DNAJC10: variants seen among roughly 807,000 people sequenced by gnomAD.
The protein encoded by DNAJC10 is endoplasmic reticulum disulfide reductase DNAJC10.
A neutral mutation model predicts 115.0 loss-of-function variants in DNAJC10; 101 were observed. The ratio of observed to expected loss-of-function variants is 0.88; its 90% CI spans 0.75 to 1.04. The LOEUF (loss-of-function observed/expected upper bound fraction) is 1.04, where lower values mean the gene tolerates loss of function less well. Ranked by LOEUF, DNAJC10 falls within the 50% of genes least tolerant of loss-of-function variation. The pLI, the probability that DNAJC10 is intolerant of heterozygous loss-of-function variation, is 0.00. For missense variants in DNAJC10, 981 were observed against 928.8 expected, an observed-to-expected ratio of 1.06 and a Z score of -0.73; for synonymous variants, 307 against 301.5, an observed-to-expected ratio of 1.02 and a Z score of -0.19.
At chr2:182,760,344 A>G (rs758285723) in intron 21 of DNAJC10, among the ~76,000 whole-genome samples, 1 of 152,170 alleles carries the variant, frequency 6.6e-6, no homozygotes, top group East Asian at 1.9e-4. Flanking sequence ...TTTATTTATT[A>G]TTACTTGAAA....
rs553478782 is a variant in DNAJC10, at chr2:182,744,916, A to AC, written c.1306+1211dup. Among the ~76,000 whole-genome samples the AC allele has an allele frequency of 1.9e-3, 283 of 150,646 alleles. 2 individuals are homozygous for AC. Among genetic ancestry groups the AC allele is most frequent in the African/African-American group, 6.4e-3 (262 of 40,968 alleles). ...TTTTTATCTCTGAAATAGTTCTCAG[A>AC]CCCCCCCTCTTCTCTTCTCTGTGCT... On this transcript the variant is annotated intron_variant, in intron 14 of 23. Transcript: ENST00000264065.
chr2:182,752,539 T>G lies in DNAJC10; in HGVS notation c.1551+351T>G, dbSNP rs535162262. On this transcript the variant is annotated intron_variant, in intron 16 of 23. Coordinates refer to ENST00000264065, the MANE Select transcript of DNAJC10 (RefSeq NM_018981.4). Reference sequence around the variant, plus strand: ...AATTTTTTTCCTTTGGCTTTCTTCATACTTCTAAGTATATTTGCTGGAAAG... The same window carrying G: ...AATTTTTTTCCTTTGGCTTTCTTCAGACTTCTAAGTATATTTGCTGGAAAG... 3 of 877,372 alleles carry G rather than the reference T, an allele frequency of 3.4e-6. No individual in the cohort carries two copies. The East Asian group carries it at 3.6e-4, about 104-fold the overall frequency. 54.3% of individuals were successfully genotyped at this position (877,372 alleles called of 1,614,324 possible).
At chr2:182,728,454 AAAGAC>A (rs759961856) in intron 5 of DNAJC10, 117 bp from the exon 6 acceptor site, 244 of 601,598 alleles carry the variant, frequency 4.1e-4, no homozygotes, top group Non-Finnish European at 6.1e-4. Context: ...AGAAAATGAG[AAAGAC>A]AATATGAAAA....
At chr2:182,768,316 ATCT>A (rs917075598) in intron 22 of DNAJC10, among the ~76,000 whole-genome samples, 4 of 152,156 alleles carry the variant, frequency 2.6e-5, no homozygotes, top group Admixed American at 1.3e-4. Context: ...ATAAATAGGG[ATCT>A]TCTTCAGATA....
chr2:182,764,778 A>G, intron 22 of DNAJC10, among the ~76,000 whole-genome samples: 1 of 152,136 alleles, frequency 6.6e-6, no homozygotes, highest in East Asian at 1.9e-4. Flanking sequence ...GAACCCATTC[A>G]AAAAAAGGAA....
At chr2:182,767,275 C>T (rs1216788052) in intron 22 of DNAJC10, among the ~76,000 whole-genome samples, 1 of 152,160 alleles carries the variant, frequency 6.6e-6, no homozygotes, top group African/African-American at 2.4e-5. Context: ...AGGCAGTGAC[C>T]TACCTGCTTC....
At chr2:182,735,044 G>GGCCC (rs2105633485) in intron 10 of DNAJC10, among the ~76,000 whole-genome samples, 1 of 150,980 alleles carries the variant, frequency 6.6e-6, no homozygotes, top group Non-Finnish European at 1.5e-5. Context: ...TGATATATTT[G>GGCCC]GCCCTATGCT....
chr2:182,765,529 G>C (rs9678817), intron 22 of DNAJC10, among the ~76,000 whole-genome samples: 70,892 of 152,064 alleles, frequency 0.47, 19,033 homozygotes, highest in Middle Eastern at 0.65. Context: ...GTTACCACCA[G>C]ATACTTAAGA....
At chr2:182,754,941 T>C in intron 16 of DNAJC10, 62 bp from the exon 17 acceptor site, 3 of 1,359,672 alleles carry the variant, frequency 2.2e-6, no homozygotes, top group South Asian at 1.3e-5. Flanking sequence ...AAACTTGTTA[T>C]AAATTTGTAA....
chr2:182,792,713 G>C lies in DNAJC10; in HGVS notation c.*15581G>C, dbSNP rs1695073820. The C allele has an allele frequency of 6.6e-6, 1 of 152,162 alleles. No homozygotes were observed. The highest frequency in any genetic ancestry group is 2.4e-5 in the African/African-American group (1 of 41,438). The allele number at this position is 152,162 out of a possible 1,614,324, so 9.4% of individuals were successfully genotyped here. On this transcript the variant is annotated 3_prime_UTR_variant, in exon 24 of 24. Transcript: ENST00000264065. ...CTAATGGAACATCGTAATCCTCCTT[G>C]TCATCTTTCCTTTGGCCTTCCTGAA...
chr2:182,785,612 T>C lies in DNAJC10; in HGVS notation c.*8480T>C, dbSNP rs1383077903. 6.6e-6 allele frequency: 1 copy of C among 152,124 alleles called. No individual in the cohort carries two copies. The highest frequency in any genetic ancestry group is 6.6e-5 in the Admixed American group (1 of 15,264). The allele number at this position is 152,124 out of a possible 1,614,324, so 9.4% of individuals were successfully genotyped here. Reference sequence around the variant, plus strand: ...GCAAGAATCGGGAATGTGGGAAATTTTGTAGGACAAATGGTATGATTTCTT... The same window carrying C: ...GCAAGAATCGGGAATGTGGGAAATTCTGTAGGACAAATGGTATGATTTCTT... On this transcript the variant is annotated 3_prime_UTR_variant, in exon 24 of 24. Transcript: ENST00000264065.
chr2:182,739,291 A>G (rs1002366076), intron 11 of DNAJC10, among the ~76,000 whole-genome samples: 46 of 148,674 alleles, frequency 3.1e-4, no homozygotes, highest in Non-Finnish European at 6.8e-4. Context: ...AATCTTAGGG[A>G]AAAAACCTGA....
intron 8 of DNAJC10, 43 bp from the exon 9 acceptor site, chr2:182,730,987 G>A (rs1389375815): frequency 2.2e-6 from 3 of 1,351,702 alleles, no homozygotes; most frequent in African/African-American, 1.4e-5. Context: ...TAGTAAAGGA[G>A]TAATAGGTGA....
At chr2:182,751,303 T>C (rs908579159) in intron 14 of DNAJC10, among the ~76,000 whole-genome samples, 10 of 151,860 alleles carry the variant, frequency 6.6e-5, no homozygotes, top group African/African-American at 2.2e-4. Context: ...CCAGCTAATT[T>C]TTTGTATTTT....
chr2:182,790,974 CCTT>C lies in DNAJC10; in HGVS notation c.*13845_*13847del, dbSNP rs1232250409. 1 of 152,014 alleles carries C rather than the reference CCTT, an allele frequency of 6.6e-6. No individual in the cohort carries two copies. The highest frequency in any genetic ancestry group is 2.4e-5 in the African/African-American group (1 of 41,386). The allele number at this position is 152,014 out of a possible 1,614,324, so 9.4% of individuals were successfully genotyped here. A position where few individuals can be genotyped will look rare whatever the true frequency, so the allele number is the denominator to read the frequency against. Reference sequence around the variant, plus strand: ...ACCCTCCTGTTCAACTGTCTATGCTCCTTCTCTCTTTGTTCACTATTTTGATAT... The same window carrying C: ...ACCCTCCTGTTCAACTGTCTATGCTCCTCTCTTTGTTCACTATTTTGATAT... On this transcript the variant is annotated 3_prime_UTR_variant, in exon 24 of 24. Coordinates refer to ENST00000264065, the MANE Select transcript of DNAJC10 (RefSeq NM_018981.4).
At chr2:182,721,916 A>T in intron 4 of DNAJC10, 109 bp from the exon 5 acceptor site, 1 of 592,296 alleles carries the variant, frequency 1.7e-6, no homozygotes. Flanking sequence ...TTTGAGATAT[A>T]ATATAGTAGT....
At position 182,718,141 on chromosome 2, in the gene DNAJC10, C is replaced by A. The variant is rs140037014; in HGVS notation, c.55C>A (p.Leu19Ile). The A allele has an allele frequency of 1.1e-3, 1,779 of 1,612,888 alleles. 24 individuals are homozygous for A. The highest frequency in any genetic ancestry group is 6.3e-4 in the East Asian group (28 of 44,760). Residue 19 changes from leucine (L) to isoleucine (I), a missense_variant, in exon 3 of 24, where the codon CTC becomes ATC. Leu to Ile is a conservative substitution (Grantham distance 5, BLOSUM62 2). Coordinates refer to ENST00000264065, the MANE Select transcript of DNAJC10 (RefSeq NM_018981.4). ...TATCAGAGACTTGAAAAGGATCATTCTCTGTTTTCTGATAGTGTATATGGC... is the reference window on the plus strand; with the variant it reads ...TATCAGAGACTTGAAAAGGATCATTATCTGTTTTCTGATAGTGTATATGGC... ...DYIRDLKRII[L>I]CFLIVYMAIL...
intron 16 of DNAJC10, among the ~76,000 whole-genome samples, chr2:182,753,695 C>T (rs1574944513): frequency 1.3e-5 from 2 of 148,884 alleles, no homozygotes; most frequent in African/African-American, 5.0e-5. Flanking sequence ...CCATTCTCCT[C>T]CCTTAGCCTG....
At chr2:182,771,188 T>G (rs1574958347) in intron 22 of DNAJC10, among the ~76,000 whole-genome samples, 1 of 152,232 alleles carries the variant, frequency 6.6e-6, no homozygotes, top group East Asian at 1.9e-4. Context: ...CTTTTTGATG[T>G]GCTGCTGGAT....
Sources: allele counts gnomAD v4.1 joint callset (sites outside exome capture counted in the v4.1 genomes callset), GRCh38; gene constraint gnomAD v4.1.1; transcripts MANE v1.5; gene names NCBI Gene and HGNC (gene_info 2026-07-23, HGNC 2026-07-21).